The following CFAP91 variants were observed in gnomAD, a reference collection of about 807,000 sequenced individuals.
CFAP91 encodes the protein cilia- and flagella-associated protein 91.
In CFAP91, 85 loss-of-function variants were observed where a neutral mutation model predicts 95.9. The ratio of observed to expected loss-of-function variants is 0.89; its 90% confidence interval spans 0.74 to 1.06. The LOEUF is 1.06. Among genes scored for constraint, CFAP91 ranks in the 50% least tolerant of loss-of-function variants. The pLI is 0.00. For missense variants in CFAP91, 962 were observed against 943.4 expected, an observed-to-expected ratio of 1.02 and a Z score of -0.26; for synonymous variants, 335 against 327.5, an observed-to-expected ratio of 1.02 and a Z score of -0.25.
chr3:119,703,160 A>G lies in CFAP91; in HGVS notation c.62A>G (p.Tyr21Cys). ...QAQPQVSQTR[Y>C]RERSRAGSHI... ...CAGCCGCAGGTGTCTCAAACTCGGT[A>G]CCGGGAGAGGTCGCGGGCTGGGAGC... is the stretch of plus-strand genomic sequence containing the variant. Residue 21 changes from tyrosine (Y) to cysteine (C), a missense_variant, in exon 1 of 18, where the codon TAC becomes TGC. By Grantham distance (194) the Tyr-to-Cys change is radical (BLOSUM62 -2). Coordinates refer to ENST00000273390, the MANE Select transcript of CFAP91 (RefSeq NM_033364.4). 1 of 1,603,878 alleles carries G rather than the reference A, an allele frequency of 6.2e-7. No homozygotes were observed. The highest frequency in any genetic ancestry group is 8.5e-7 in the Non-Finnish European group (1 of 1,175,078).
chr3:119,752,244 A>G (rs1378479037), intron 17 of CFAP91: 1 of 152,184 alleles, frequency 6.6e-6, no homozygotes, highest in African/African-American at 2.4e-5. Flanking sequence ...AGTTTTGTAT[A>G]TTGTCCAGCT....
chr3:119,745,601 A>G (rs1199032052), intron 14 of CFAP91, among the ~76,000 whole-genome samples: 2 of 152,230 alleles, frequency 1.3e-5, no homozygotes, highest in South Asian at 4.1e-4. Flanking sequence ...TAAACTTTCC[A>G]CCTCTCTACT....
At position 119,750,957 on chromosome 3, in the gene CFAP91, CAT is replaced by C; in HGVS notation, c.2167_2168del (p.Ile723SerfsTer21). The C allele has an allele frequency of 1.2e-6, 2 of 1,613,940 alleles. No homozygotes were observed. The highest frequency in any genetic ancestry group is 2.2e-5 in the East Asian group (1 of 44,882). ...KEKVRNAQRK[H>X]ILAAHQIIHS... The stretch of plus-strand genomic sequence containing the variant: ...CACAGTGAGGAACGCACAGCGGAAA[CAT>C]ATTCTTGCAGCCCATCAGATCATCC... On this transcript the variant is annotated frameshift_variant, in exon 17 of 18. Transcript: ENST00000273390. LOFTEE classifies it high-confidence loss of function.
chr3:119,703,188 C>T lies in CFAP91; in HGVS notation c.90C>T (p.His30=), dbSNP rs200687037. The T allele has an allele frequency of 1.5e-5, 24 of 1,611,168 alleles. No homozygotes were observed. The highest frequency in any genetic ancestry group is 2.0e-5 in the Non-Finnish European group (24 of 1,178,784). ...GGGAGAGGTCGCGGGCTGGGAGCCA[C>T]ATCTCCTCCAATCGAGCGTATGATT... ...RYRERSRAGS[H]ISSNRAYDFL... is the part of the protein sequence containing the mutation. The change falls in exon 1 of 18, where the codon CAC becomes CAT. Residue 30 remains histidine, a synonymous_variant. Coordinates refer to ENST00000273390, the MANE Select transcript of CFAP91 (RefSeq NM_033364.4).
chr3:119,713,283 C>T (rs2107860454), intron 5 of CFAP91: 1 of 151,738 alleles, frequency 6.6e-6, no homozygotes, highest in East Asian at 1.9e-4. Flanking sequence ...CCACACCCAG[C>T]TAATTTTTTG....
intron 8 of CFAP91, among the ~76,000 whole-genome samples, chr3:119,731,898 GC>G (rs1310934271): frequency 1.3e-4 from 20 of 152,344 alleles, no homozygotes; most frequent in Admixed American, 3.9e-4. Context: ...TGTAGTCTTT[GC>G]TTTTGATTAT....
Position 119,730,314 on chromosome 3 carries a change from T to C in CFAP91, c.955T>C (p.Trp319Arg), listed in dbSNP as rs771432001. The C allele has an allele frequency of 1.2e-6, 2 of 1,614,086 alleles. No homozygotes were observed. Among genetic ancestry groups the C allele is most frequent in the East Asian group, 4.5e-5 (2 of 44,888 alleles). Reference protein sequence around the residue: ...EVNMKHLNARWSKLQEGKEAK... With the variant: ...EVNMKHLNARRSKLQEGKEAK... ...GAATATGAAGCACTTGAATGCCCGG[T>C]GGTCTAAACTGCAGGAGGGAAAAGA... The change falls in exon 8 of 18, where the codon TGG becomes CGG. Residue 319 changes from tryptophan (W) to arginine (R), a missense_variant. Physicochemically the swap from Trp to Arg is moderately radical, Grantham distance 101 (BLOSUM62 -3). Coordinates refer to ENST00000273390, the MANE Select transcript of CFAP91 (RefSeq NM_033364.4).
intron 6 of CFAP91, among the ~76,000 whole-genome samples, chr3:119,722,739 C>T (rs1166639002): frequency 6.6e-6 from 1 of 152,052 alleles, no homozygotes; most frequent in Non-Finnish European, 1.5e-5. Flanking sequence ...AGAAATTCTC[C>T]TGTCTCGGCC....
At position 119,732,441 on chromosome 3, in the gene CFAP91, T is replaced by C; in HGVS notation, c.1166T>C (p.Phe389Ser). The C allele has an allele frequency of 6.2e-7, 1 of 1,608,046 alleles. No individual in the cohort carries two copies. Among genetic ancestry groups the C allele is most frequent in the Non-Finnish European group, 8.5e-7 (1 of 1,178,274 alleles). ...GCFPDNNSED[F>S]VVKNYYLNTY... ...TTCCCAGACAACAACTCAGAGGACT[T>C]TGTAGTAAAAAACTACTATCTCAAC... The change falls in exon 9 of 18, where the codon TTT (phenylalanine) becomes TCT (serine). Residue 389 changes from phenylalanine (F) to serine (S), a missense_variant. By Grantham distance (155) the Phe-to-Ser change is radical. Transcript: ENST00000273390.
intron 12 of CFAP91, among the ~76,000 whole-genome samples, chr3:119,739,928 T>C (rs1251559499): frequency 6.6e-6 from 1 of 152,128 alleles, no homozygotes; most frequent in Admixed American, 6.5e-5. Context: ...TCTTCCCGAG[T>C]GTAAAGCCTT....
In CFAP91 at chr3:119,706,647, C is replaced by A. The variant is rs1035101438; in HGVS notation, c.125-162C>A. 25 of 571,794 alleles carry A rather than the reference C, an allele frequency of 4.4e-5. 1 individual carries two copies. The highest frequency in any genetic ancestry group is 4.0e-4 in the African/African-American group (21 of 52,870). 35.4% of individuals were successfully genotyped at this position (571,794 alleles called of 1,614,324 possible). A position where few individuals can be genotyped will look rare whatever the true frequency, so the allele number is the denominator to read the frequency against. ...GTTGCTGGTAGAAGTGGTAGAGTAA[C>A]AGGGCCACATGCACAACAGAGCATG... On this transcript the variant is annotated intron_variant, in intron 1 of 17. Transcript: ENST00000273390.
chr3:119,743,720 G>A (rs1049173950), intron 13 of CFAP91, among the ~76,000 whole-genome samples: 12 of 152,158 alleles, frequency 7.9e-5, no homozygotes, highest in African/African-American at 2.4e-4. Flanking sequence ...TAACAGAAAC[G>A]TCTTGCTAAA....
intron 6 of CFAP91, chr3:119,716,051 A>C: frequency 1.9e-6 from 1 of 531,226 alleles, no homozygotes; most frequent in Non-Finnish European, 3.3e-6. Flanking sequence ...CTTCCTTTTC[A>C]TTGAGCAATC....
intron 5 of CFAP91, 108 bp from the exon 6 acceptor site, chr3:119,715,454 A>C: frequency 1.1e-6 from 1 of 929,760 alleles, no homozygotes; most frequent in South Asian, 1.4e-5. Context: ...CAACATTTAA[A>C]AGAGGAATGG....
intron 17 of CFAP91, among the ~76,000 whole-genome samples, chr3:119,752,744 G>GA (rs938112806): frequency 5.9e-5 from 9 of 152,078 alleles, no homozygotes; most frequent in Non-Finnish European, 1.2e-4. Context: ...AGCCAGAGGA[G>GA]AAAAAAATCA....
At chr3:119,727,602 C>T (rs935101726) in intron 7 of CFAP91, among the ~76,000 whole-genome samples, 2 of 152,074 alleles carry the variant, frequency 1.3e-5, no homozygotes, top group African/African-American at 2.4e-5. Context: ...TGACAGAGCT[C>T]CTTATGGTCC....
At chr3:119,730,799 C>T (rs1430539686) in intron 8 of CFAP91, among the ~76,000 whole-genome samples, 1 of 151,968 alleles carries the variant, frequency 6.6e-6, no homozygotes, top group Non-Finnish European at 1.5e-5. Context: ...TTTAATACCG[C>T]AGATATAACA....
chr3:119,736,268 G>GTTTTT (rs770777389), intron 10 of CFAP91, among the ~76,000 whole-genome samples: 221 of 85,270 alleles, frequency 2.6e-3, no homozygotes, highest in Non-Finnish European at 3.1e-3. Context: ...TCTTTCTATT[G>GTTTTT]TTTTTTTTTT....
chr3:119,723,085 A>T (rs1178667625), intron 6 of CFAP91, among the ~76,000 whole-genome samples: 1 of 152,184 alleles, frequency 6.6e-6, no homozygotes, highest in African/African-American at 2.4e-5. Context: ...AAATTATACA[A>T]AAGCAAAAGC....
Sources: gnomAD v4.1 joint callset for allele counts (sites outside exome capture counted in the v4.1 genomes callset) on GRCh38, gnomAD v4.1.1 for gene constraint, MANE v1.5 for transcripts, NCBI Gene and HGNC (gene_info 2026-07-23, HGNC 2026-07-21) for gene names.